The following NLRP9 variants were observed in gnomAD, a reference collection of about 807,000 sequenced individuals.
The protein encoded by NLRP9 is NLR family pyrin domain containing 9, also known as NACHT, LRR and PYD domains-containing protein 9.
A neutral mutation model predicts 83.1 loss-of-function variants in NLRP9; 88 were observed. The observed-to-expected ratio is 1.06, with a 90% CI of 0.89 to 1.26. The LOEUF (loss-of-function observed/expected upper bound fraction) is 1.26, where lower values mean the gene tolerates loss of function less well. Among genes scored for constraint, NLRP9 ranks in the 50% most tolerant of loss-of-function variants. NLRP9 has a pLI of 0.00. For missense variants in NLRP9, 1,308 were observed against 1,179.3 expected (o/e 1.11, Z -1.60); for synonymous variants, 521 against 447.6 (o/e 1.16, Z -2.07).
chr19:55,714,354 G>C (rs1987924708), intron 6 of NLRP9, among the ~76,000 whole-genome samples: 1 of 152,012 alleles, frequency 6.6e-6, no homozygotes, highest in African/African-American at 2.4e-5. Context: ...TCCTTCATGT[G>C]TGTGATTCCA....
In NLRP9 at chr19:55,724,098, C is replaced by T; in HGVS notation, c.2041G>A (p.Val681Ile). 1 of 1,613,484 alleles carries T rather than the reference C, an allele frequency of 6.2e-7. No homozygotes were observed. The highest frequency in any genetic ancestry group is 8.5e-7 in the Non-Finnish European group (1 of 1,179,496). Reference protein sequence around the residue: ...FGHDSELFKAVLHNPHLKLLS... With the variant: ...FGHDSELFKAILHNPHLKLLS... ...AGTTTCAGATGAGGGTTGTGAAGAA[C>T]TGCCTTAAATAATTCTGAATCATGT... The change falls in exon 4 of 9, where the codon GTT becomes ATT. Residue 681 changes from valine (V) to isoleucine (I), a missense_variant. By Grantham distance (29) the Val-to-Ile change is conservative (BLOSUM62 3). Coordinates refer to ENST00000332836, the MANE Select transcript of NLRP9 (RefSeq NM_176820.4).
rs1431716278 is a variant in NLRP9, at chr19:55,712,484, C to G, written c.2608G>C (p.Asp870His). The change falls in exon 7 of 9, where the codon GAC (aspartate) becomes CAC (histidine). Residue 870 changes from aspartate to histidine, a missense_variant. Coordinates refer to ENST00000332836, the MANE Select transcript of NLRP9 (RefSeq NM_176820.4). Reference protein sequence around the residue: ...TLKLGHNEIGDTGVRQLCAAL... With the variant: ...TLKLGHNEIGHTGVRQLCAAL... ...GCACATAACTGTCTGACACCAGTGTCTCCTATTTCATTATGCCCAAGTTTC... is the reference window on the plus strand; with the variant it reads ...GCACATAACTGTCTGACACCAGTGTGTCCTATTTCATTATGCCCAAGTTTC... 1.9e-6 allele frequency: 3 copies of G among 1,612,798 alleles called. No individual in the cohort carries two copies. In the Admixed American group the frequency reaches 5.0e-5, roughly 27 times the overall value.
chr19:55,727,204 A>C (rs1199440726), intron 3 of NLRP9, among the ~76,000 whole-genome samples: 1 of 152,200 alleles, frequency 6.6e-6, no homozygotes, highest in Non-Finnish European at 1.5e-5. Flanking sequence ...GTGAGCTGAG[A>C]TTGTGCCATT....
intron 3 of NLRP9, among the ~76,000 whole-genome samples, chr19:55,729,150 C>G (rs895497328): frequency 6.9e-6 from 1 of 145,982 alleles, no homozygotes; most frequent in Non-Finnish European, 1.5e-5. Flanking sequence ...TCTCCATCCA[C>G]TCACATCCAA....
chr19:55,724,490 T>C (rs1988340736), intron 3 of NLRP9, among the ~76,000 whole-genome samples: 1 of 152,156 alleles, frequency 6.6e-6, no homozygotes, highest in African/African-American at 2.4e-5. Flanking sequence ...ATTAATGTGA[T>C]TAATGCCTCA....
chr19:55,722,790 A>G (rs1988269510), intron 4 of NLRP9, among the ~76,000 whole-genome samples: 1 of 152,208 alleles, frequency 6.6e-6, no homozygotes, highest in Non-Finnish European at 1.5e-5. Context: ...AATATGGTAC[A>G]TGTACACCAT....
At chr19:55,731,700 G>C (rs1988574510) in intron 2 of NLRP9, among the ~76,000 whole-genome samples, 1 of 146,984 alleles carries the variant, frequency 6.8e-6, no homozygotes, top group Non-Finnish European at 1.5e-5. Context: ...CTCCAGCCTG[G>C]GTGATAGAGC....
chr19:55,716,625 A>G lies in NLRP9; in HGVS notation c.2330+103T>C, dbSNP rs949550549. 3.9e-5 allele frequency: 36 copies of G among 929,964 alleles called. 1 individual carries two copies. The highest frequency in any genetic ancestry group is 5.8e-5 in the Non-Finnish European group (34 of 589,248). 57.6% of individuals were successfully genotyped at this position (929,964 alleles called of 1,614,324 possible). A position where few individuals can be genotyped will look rare whatever the true frequency, so the allele number is the denominator to read the frequency against. ...ACTCAGGTCTAGCTACGGATTCCGC[A>G]TTCTGCTGCACCCCTCAGTGAGCAC... On this transcript the variant is annotated intron_variant, in intron 5 of 8. Coordinates refer to ENST00000332836, the MANE Select transcript of NLRP9 (RefSeq NM_176820.4).
intron 4 of NLRP9, among the ~76,000 whole-genome samples, chr19:55,723,535 G>A (rs551273582): frequency 4.0e-5 from 6 of 151,820 alleles, no homozygotes; most frequent in African/African-American, 1.2e-4. Flanking sequence ...AAGATCAGCC[G>A]GGGCAATATG....
At chr19:55,719,312 C>A (rs1568597193) in intron 4 of NLRP9, among the ~76,000 whole-genome samples, 1 of 152,238 alleles carries the variant, frequency 6.6e-6, no homozygotes, top group East Asian at 1.9e-4. Context: ...GCCACCACAC[C>A]CGGCTAATTT....
intron 6 of NLRP9, 122 bp from the exon 7 acceptor site, chr19:55,712,712 G>C (rs931279543): frequency 1.3e-6 from 1 of 758,324 alleles, no homozygotes; most frequent in Non-Finnish European, 2.1e-6. Flanking sequence ...GATGAGGAGG[G>C]TGGGGAGGGG....
intron 1 of NLRP9, among the ~76,000 whole-genome samples, chr19:55,736,783 G>T (rs557188165): frequency 6.6e-6 from 1 of 151,636 alleles, no homozygotes; most frequent in East Asian, 1.9e-4. Flanking sequence ...GCAGTGAACC[G>T]AGATCATGTC....
chr19:55,719,321 T>C, intron 4 of NLRP9, among the ~76,000 whole-genome samples: 1 of 151,978 alleles, frequency 6.6e-6, no homozygotes, highest in East Asian at 1.9e-4. Context: ...CCCGGCTAAT[T>C]TTTGTATTTT....
At chr19:55,735,239 C>T (rs1191927235) in intron 1 of NLRP9, among the ~76,000 whole-genome samples, 1 of 152,172 alleles carries the variant, frequency 6.6e-6, no homozygotes, top group South Asian at 2.1e-4. Context: ...TTATTCAAGT[C>T]TCTGAGCAGT....
At chr19:55,709,204 T>A in intron 8 of NLRP9, 160 bp from the exon 9 acceptor site, 1 of 500,432 alleles carries the variant, frequency 2.0e-6, no homozygotes, top group Non-Finnish European at 3.4e-6. Context: ...ATCTTTCCTA[T>A]AGGATAGGAA....
intron 3 of NLRP9, 26 bp from the exon 4 acceptor site, chr19:55,724,170 C>T (rs753140729): frequency 3.2e-6 from 5 of 1,546,380 alleles, no homozygotes; most frequent in Non-Finnish European, 4.4e-6. Flanking sequence ...AAAAAAATAG[C>T]ATCATGCAAT....
Position 55,732,244 on chromosome 19 carries a change from A to G in NLRP9, c.1587T>C (p.Ser529=). 2 of 1,614,090 alleles carry G rather than the reference A, an allele frequency of 1.2e-6. 1 individual carries two copies. Among genetic ancestry groups the G allele is most frequent in the Middle Eastern group, 3.3e-4 (2 of 6,062 alleles). ...LKQEITQCLE[S]LSQCEADREA... is the part of the protein sequence containing the mutation. The stretch of plus-strand genomic sequence containing the variant: ...CCCTATCAGCTTCACATTGACTTAA[A>G]CTTTCAAGGCATTGGGTTATTTCCT... Residue 529 remains serine, a synonymous_variant, in exon 2 of 9, where the codon AGT becomes AGC. Transcript: ENST00000332836.
chr19:55,732,147 T>C lies in NLRP9; in HGVS notation c.1684A>G (p.Met562Val), dbSNP rs1988591861. 1.9e-6 allele frequency: 3 copies of C among 1,613,262 alleles called. No homozygotes were observed. Among genetic ancestry groups the C allele is most frequent in the Non-Finnish European group, 2.5e-6 (3 of 1,179,750 alleles). ...ATGAAAACTTCTTCAAAGAAATTCA[T>C]CACTTTGGTTACAAATTCTTTTTCC... Reference protein sequence around the residue: ...TQEKEFVTKVMNFFEEVFIYI... With the variant: ...TQEKEFVTKVVNFFEEVFIYI... Residue 562 changes from methionine (M) to valine (V), a missense_variant, in exon 2 of 9, where the codon ATG (methionine) becomes GTG (valine). Coordinates refer to ENST00000332836, the MANE Select transcript of NLRP9 (RefSeq NM_176820.4).
chr19:55,715,955 G>A (rs1276674274), intron 5 of NLRP9, among the ~76,000 whole-genome samples: 4 of 152,158 alleles, frequency 2.6e-5, no homozygotes, highest in Non-Finnish European at 4.4e-5. Flanking sequence ...TAGATTTTAA[G>A]TGCTCTAGTC....
Sources: gnomAD v4.1 joint callset for allele counts (sites outside exome capture counted in the v4.1 genomes callset) on GRCh38, gnomAD v4.1.1 for gene constraint, MANE v1.5 for transcripts, NCBI Gene and HGNC (gene_info 2026-07-23, HGNC 2026-07-21) for gene names.